MYO3A: variants seen among roughly 807,000 people sequenced by gnomAD.
The protein encoded by MYO3A is myosin-IIIa.
Under a neutral mutation model 192.7 loss-of-function variants are expected in MYO3A, and 180 were observed. The ratio of observed to expected loss-of-function variants is 0.93; its 90% CI spans 0.83 to 1.06. MYO3A has a LOEUF of 1.06. Among genes scored for constraint, MYO3A ranks in the 50% least tolerant of loss-of-function variants. MYO3A has a pLI of 0.00. For missense variants in MYO3A, 1,896 were observed against 1,905.0 expected, an observed-to-expected ratio of 1.00 and a Z score of 0.09; for synonymous variants, 628 against 645.3, an observed-to-expected ratio of 0.97 and a Z score of 0.41.
chr10:26,049,668 TC>T (rs1564494331), intron 10 of MYO3A, among the ~76,000 whole-genome samples: 1 of 77,242 alleles, frequency 1.3e-5, no homozygotes, highest in East Asian at 2.8e-4. Flanking sequence ...TTTCTTTCTT[TC>T]TTTCTTTTTT....
intron 10 of MYO3A, among the ~76,000 whole-genome samples, chr10:26,034,022 G>C (rs1027382092): frequency 9.2e-5 from 14 of 152,118 alleles, no homozygotes; most frequent in African/African-American, 3.4e-4. Flanking sequence ...TTTGACCTGT[G>C]TCCATGACAG....
intron 17 of MYO3A, among the ~76,000 whole-genome samples, chr10:26,113,209 G>A (rs944303502): frequency 2.0e-5 from 3 of 152,070 alleles, no homozygotes; most frequent in African/African-American, 4.8e-5. Flanking sequence ...GGTGGCTCAC[G>A]CCTGTAATCC....
intron 14 of MYO3A, 71 bp downstream of exon 14, chr10:26,070,472 G>A: frequency 1.6e-6 from 2 of 1,263,988 alleles, no homozygotes; most frequent in Non-Finnish European, 2.3e-6. Context: ...TAACTGATTA[G>A]ATTAATATTC....
chr10:26,048,686 AG>A (rs1843780819), intron 10 of MYO3A, among the ~76,000 whole-genome samples: 1 of 152,092 alleles, frequency 6.6e-6, no homozygotes. Flanking sequence ...TATAGGTTTG[AG>A]GGTGGTCGTG....
At chr10:25,945,416 T>A (rs1168265702) in intron 2 of MYO3A, among the ~76,000 whole-genome samples, 1 of 152,112 alleles carries the variant, frequency 6.6e-6, no homozygotes, top group Non-Finnish European at 1.5e-5. Flanking sequence ...GTCCTTTATT[T>A]CTGATTTTCT....
At chr10:26,124,116 G>A (rs1184542943) in intron 18 of MYO3A, among the ~76,000 whole-genome samples, 2 of 149,138 alleles carry the variant, frequency 1.3e-5, no homozygotes, top group African/African-American at 5.0e-5. Flanking sequence ...TTGAGCCCAG[G>A]AGTTTGAGGC....
chr10:26,205,783 ATAT>A (rs1267165665), intron 34 of MYO3A, among the ~76,000 whole-genome samples: 1 of 151,042 alleles, frequency 6.6e-6, no homozygotes, highest in Admixed American at 6.6e-5. Context: ...CTCCCGGCTA[ATAT>A]TTTTTTGTAT....
chr10:26,030,065 G>A (rs1016238760), intron 10 of MYO3A, among the ~76,000 whole-genome samples: 1 of 152,112 alleles, frequency 6.6e-6, no homozygotes, highest in Admixed American at 6.6e-5. Context: ...ATAAAAGGAA[G>A]AAGCGGCAGT....
chr10:26,169,452 T>C (rs1032583754), intron 28 of MYO3A, among the ~76,000 whole-genome samples: 3 of 150,654 alleles, frequency 2.0e-5, no homozygotes, highest in Non-Finnish European at 3.0e-5. Flanking sequence ...TTTGACTGGA[T>C]ACTTAGAGAA....
chr10:26,159,705 G>A (rs931471804), intron 26 of MYO3A, among the ~76,000 whole-genome samples: 1 of 152,126 alleles, frequency 6.6e-6, no homozygotes, highest in Non-Finnish European at 1.5e-5. Context: ...AGAGACCTGG[G>A]ATTATTTATT....
At chr10:26,129,432 C>T (rs570894783) in intron 20 of MYO3A, among the ~76,000 whole-genome samples, 1 of 152,266 alleles carries the variant, frequency 6.6e-6, no homozygotes, top group African/African-American at 2.4e-5. Flanking sequence ...TTCTTGTCTC[C>T]TCTGCTCCTC....
At chr10:26,093,883 A>G (rs985577755) in intron 15 of MYO3A, among the ~76,000 whole-genome samples, 2 of 152,122 alleles carry the variant, frequency 1.3e-5, no homozygotes, top group Non-Finnish European at 2.9e-5. Context: ...CTTTTCCCAT[A>G]GCCCTTTTCT....
intron 25 of MYO3A, among the ~76,000 whole-genome samples, chr10:26,156,052 C>T (rs1262580114): frequency 6.6e-6 from 1 of 152,176 alleles, no homozygotes; most frequent in Non-Finnish European, 1.5e-5. Context: ...TCAGAAAAAC[C>T]AGCGCCTAAA....
At chr10:25,952,407 G>T in intron 3 of MYO3A, 129 bp downstream of exon 3, 1 of 1,109,352 alleles carries the variant, frequency 9.0e-7, no homozygotes, top group Non-Finnish European at 1.3e-6. Context: ...GAAGATAAAT[G>T]TAAAAGAGAA....
intron 4 of MYO3A, among the ~76,000 whole-genome samples, chr10:25,959,029 C>G (rs1174667804): frequency 6.6e-6 from 1 of 151,986 alleles, no homozygotes; most frequent in Non-Finnish European, 1.5e-5. Flanking sequence ...ATCTTGAGAT[C>G]TTGCTGAAGT....
At chr10:26,016,431 AG>A (rs1171083662) in intron 6 of MYO3A, among the ~76,000 whole-genome samples, 1 of 152,252 alleles carries the variant, frequency 6.6e-6, no homozygotes, top group Admixed American at 6.5e-5. Context: ...GTTAGTGGGC[AG>A]GGACAGGAAG....
In MYO3A at chr10:26,166,320, C is replaced by T. The variant is rs549860457; in HGVS notation, c.3111+142C>T. 121 of 743,814 alleles carry T rather than the reference C, an allele frequency of 1.6e-4. 1 individual carries two copies. In the South Asian group the frequency reaches 1.9e-3, roughly 12 times the overall value. The allele number at this position is 743,814 out of a possible 1,614,324, so 46.1% of individuals were successfully genotyped here. A position where few individuals can be genotyped will look rare whatever the true frequency, so the allele number is the denominator to read the frequency against. On this transcript the variant is annotated intron_variant, in intron 27 of 34. Coordinates refer to ENST00000642920, the MANE Select transcript of MYO3A (RefSeq NM_017433.5). ...ACAATAGAGGAAGTAAAGTTATAAA[C>T]TCATAAAGATTTTCTTTTTCGTCAA...
chr10:25,938,660 A>G, intron 2 of MYO3A, among the ~76,000 whole-genome samples: 1 of 152,238 alleles, frequency 6.6e-6, no homozygotes, highest in Non-Finnish European at 1.5e-5. Flanking sequence ...AGTATTCTAC[A>G]GAATATACAT....
chr10:26,196,451 A>G (rs1331302369), intron 32 of MYO3A, among the ~76,000 whole-genome samples: 2 of 152,250 alleles, frequency 1.3e-5, no homozygotes, highest in Non-Finnish European at 2.9e-5. Flanking sequence ...CTATATTTCC[A>G]TACATCCTAA....
Sources: allele counts gnomAD v4.1 joint callset (sites outside exome capture counted in the v4.1 genomes callset), GRCh38; gene constraint gnomAD v4.1.1; transcripts MANE v1.5; gene names NCBI Gene and HGNC (gene_info 2026-07-23, HGNC 2026-07-21).